RYR3: variants seen among roughly 807,000 people sequenced by gnomAD.
RYR3 encodes the protein brain ryanodine receptor-calcium release channel.
RYR3 carries 207 observed loss-of-function variants against 584.3 expected under a neutral mutation model. The ratio of observed to expected loss-of-function variants is 0.35; its 90% CI spans 0.32 to 0.40. The LOEUF is 0.40. RYR3 is among the 10% of genes least tolerant of loss of function. The pLI is 1.00. For missense variants in RYR3, 5,616 were observed against 6,089.2 expected, an observed-to-expected ratio of 0.92 and a Z score of 2.59; for synonymous variants, 2,416 against 2,248.5, an observed-to-expected ratio of 1.07 and a Z score of -2.11.
At chr15:33,761,536 C>T (rs2072449669) in intron 60 of RYR3, among the ~76,000 whole-genome samples, 1 of 152,182 alleles carries the variant, frequency 6.6e-6, no homozygotes, top group Non-Finnish European at 1.5e-5. Flanking sequence ...CACATACACC[C>T]TCCCAAGACT....
At chr15:33,435,694 C>T (rs546619355) in intron 1 of RYR3, among the ~76,000 whole-genome samples, 4 of 152,214 alleles carry the variant, frequency 2.6e-5, no homozygotes, top group East Asian at 3.9e-4. Flanking sequence ...GTGGCATGTC[C>T]GGAGTTGATT....
chr15:33,851,667 C>G (rs1567322119), intron 94 of RYR3: 2 of 152,152 alleles, frequency 1.3e-5, no homozygotes, highest in East Asian at 1.9e-4. Flanking sequence ...ATGCCCAGAG[C>G]CTGTGGTCCT....
At chr15:33,496,033 A>T (rs1320351137) in intron 2 of RYR3, among the ~76,000 whole-genome samples, 6 of 152,214 alleles carry the variant, frequency 3.9e-5, no homozygotes, top group African/African-American at 1.4e-4. Flanking sequence ...ATGCTGTCCC[A>T]TGAAAACGTG....
intron 19 of RYR3, among the ~76,000 whole-genome samples, chr15:33,614,377 A>T (rs1471537374): frequency 6.6e-6 from 1 of 152,032 alleles, no homozygotes; most frequent in Non-Finnish European, 1.5e-5. Context: ...ATGATTTCAG[A>T]TAAAGGATTT....
At chr15:33,542,401 G>C (rs1237723494) in intron 7 of RYR3, among the ~76,000 whole-genome samples, 1 of 152,124 alleles carries the variant, frequency 6.6e-6, no homozygotes, top group Non-Finnish European at 1.5e-5. Flanking sequence ...GTTGGTCATG[G>C]AGGGCTTTAA....
chr15:33,364,358 T>A (rs1975183187), intron 1 of RYR3, among the ~76,000 whole-genome samples: 1 of 152,212 alleles, frequency 6.6e-6, no homozygotes, highest in Non-Finnish European at 1.5e-5. Context: ...AAGGCTTCTA[T>A]AGTTACTTTA....
At chr15:33,843,089 A>C (rs937225740) in intron 91 of RYR3, among the ~76,000 whole-genome samples, 1 of 151,994 alleles carries the variant, frequency 6.6e-6, no homozygotes, top group African/African-American at 2.4e-5. Flanking sequence ...GGAGGCCGAG[A>C]TGGGTGGATC....
At chr15:33,830,418 T>G (rs2077605350) in intron 85 of RYR3, among the ~76,000 whole-genome samples, 1 of 152,244 alleles carries the variant, frequency 6.6e-6, no homozygotes, top group Admixed American at 6.5e-5. Flanking sequence ...GTACATTGTT[T>G]TTTAAAGACA....
At chr15:33,516,248 C>T (rs2053508075) in intron 3 of RYR3, among the ~76,000 whole-genome samples, 1 of 151,930 alleles carries the variant, frequency 6.6e-6, no homozygotes, top group Non-Finnish European at 1.5e-5. Flanking sequence ...CAGGTTCTAG[C>T]ATGAAACAGA....
chr15:33,634,630 A>G lies in RYR3; in HGVS notation c.3072A>G (p.Leu1024=). 6.2e-7 allele frequency: 1 copy of G among 1,613,940 alleles called. No individual in the cohort carries two copies. The highest frequency in any genetic ancestry group is 8.5e-7 in the Non-Finnish European group (1 of 1,179,808). ...KRNPRLVPYA[L]LDERTKKSNR... Reference sequence around the variant, plus strand: ...ATCCCCGTCTGGTGCCATATGCATTACTGGATGAGCGTACCAAGAAGTCAA... The same window carrying G: ...ATCCCCGTCTGGTGCCATATGCATTGCTGGATGAGCGTACCAAGAAGTCAA... The change falls in exon 25 of 104, where the codon TTA becomes TTG. Residue 1024 remains leucine, a synonymous_variant. Transcript: ENST00000634891.
chr15:33,853,545 T>G lies in RYR3; in HGVS notation c.13672-10T>G, dbSNP rs1424005955. 2 of 1,612,906 alleles carry G rather than the reference T, an allele frequency of 1.2e-6. No individual in the cohort carries two copies. Among genetic ancestry groups the G allele is most frequent in the South Asian group, 1.1e-5 (1 of 90,968 alleles). ...GTGGCCTGAGCTCACCCTGTCATCCTTTGCTTCAGGTGATCAACAAGTATG... is the reference window on the plus strand; with the variant it reads ...GTGGCCTGAGCTCACCCTGTCATCCGTTGCTTCAGGTGATCAACAAGTATG... On this transcript the variant is annotated splice_polypyrimidine_tract_variant and intron_variant, in intron 95 of 103. Transcript: ENST00000634891.
intron 1 of RYR3, among the ~76,000 whole-genome samples, chr15:33,401,563 C>G (rs2042670845): frequency 6.6e-6 from 1 of 152,128 alleles, no homozygotes; most frequent in African/African-American, 2.4e-5. Context: ...TAATTTTTTA[C>G]ATGGAAAAAC....
intron 1 of RYR3, among the ~76,000 whole-genome samples, chr15:33,415,070 G>A (rs1207602786): frequency 1.3e-5 from 2 of 152,192 alleles, no homozygotes; most frequent in Non-Finnish European, 2.9e-5. Context: ...AGTGTGGCCA[G>A]TCCAAACTGA....
chr15:33,735,342 T>C (rs1277416780), intron 48 of RYR3, among the ~76,000 whole-genome samples: 1 of 152,208 alleles, frequency 6.6e-6, no homozygotes, highest in Non-Finnish European at 1.5e-5. Flanking sequence ...CAGAAACAGT[T>C]GTGAAACAGA....
At chr15:33,325,035 A>T (rs1024305681) in intron 1 of RYR3, among the ~76,000 whole-genome samples, 1 of 152,220 alleles carries the variant, frequency 6.6e-6, no homozygotes, top group African/African-American at 2.4e-5. Flanking sequence ...TGGAAAATAG[A>T]TATAGGACAA....
At chr15:33,453,782 CTTCCTGTGTT>C (rs1359772510) in intron 1 of RYR3, among the ~76,000 whole-genome samples, 4 of 152,114 alleles carry the variant, frequency 2.6e-5, no homozygotes, top group Admixed American at 6.5e-5. Context: ...ATACTAATGT[CTTCCTGTGTT>C]TTCATATGAA....
At chr15:33,312,386 T>A (rs949261250) in intron 1 of RYR3, among the ~76,000 whole-genome samples, 5 of 147,626 alleles carry the variant, frequency 3.4e-5, no homozygotes, top group Admixed American at 6.7e-5. Context: ...TTGGGGGGGG[T>A]ATGGAAGTAC....
intron 1 of RYR3, among the ~76,000 whole-genome samples, chr15:33,389,268 T>TA (rs2041838635): frequency 6.6e-6 from 1 of 151,978 alleles, no homozygotes; most frequent in South Asian, 2.1e-4. Flanking sequence ...AATGAAGGGA[T>TA]AAGTAATTAC....
Position 33,623,993 on chromosome 15 carries a change from T to C in RYR3, c.2544T>C (p.Ser848=), listed in dbSNP as rs1460183560. Residue 848 remains serine, a synonymous_variant, in exon 20 of 104, where the codon TCT becomes TCC. Transcript: ENST00000634891. The part of the protein sequence containing the change: ...LGTTQFLSQA[S]FIPCPVDTSQ... ...CCACCCAGTTCCTCTCCCAAGCCTC[T>C]TTCATCCCATGCCCCGTAGACACCA... 1 of 1,613,908 alleles carries C rather than the reference T, an allele frequency of 6.2e-7. No individual in the cohort carries two copies. The highest frequency in any genetic ancestry group is 1.1e-5 in the South Asian group (1 of 91,080).
Sources: allele counts gnomAD v4.1 joint callset (sites outside exome capture counted in the v4.1 genomes callset), GRCh38; gene constraint gnomAD v4.1.1; transcripts MANE v1.5; gene names NCBI Gene and HGNC (gene_info 2026-07-23, HGNC 2026-07-21).